Variants in HMGB1 observed in about 807,000 individuals in gnomAD.
HMGB1 encodes the protein high mobility group protein B1.
For synonymous variants in HMGB1, 81 were observed against 84.0 expected, an observed-to-expected ratio of 0.96 and a Z score of 0.19; for missense variants, 79 against 253.5, an observed-to-expected ratio of 0.31 and a Z score of 4.67.
Position 30,564,011 on chromosome 13 carries a change from G to C in HMGB1, c.-15+52660C>G, listed in dbSNP as rs60689124. On this transcript the variant is annotated intron_variant, in intron 1 of 4. Transcript: ENST00000405805. ...AATAATTTATTTTAATAACTTCGTG[G>C]GCATGGTGGCCAAAACATTTTAGCT... Among the ~76,000 whole-genome samples the C allele has an allele frequency of 8.5e-5, 13 of 152,154 alleles. No individual in the cohort carries two copies. In the East Asian group the frequency reaches 2.5e-3, roughly 29 times the overall value.
chr13:30,599,199 C>T (rs183665725), intron 1 of HMGB1, among the ~76,000 whole-genome samples: 13 of 152,280 alleles, frequency 8.5e-5, no homozygotes, highest in African/African-American at 2.2e-4. Flanking sequence ...CCGGGCACAA[C>T]GGCTCACGCC....
At chr13:30,501,905 C>A (rs1170076213) in intron 1 of HMGB1, among the ~76,000 whole-genome samples, 1 of 152,088 alleles carries the variant, frequency 6.6e-6, no homozygotes, top group Non-Finnish European at 1.5e-5. Context: ...GTTACAACAC[C>A]TCATTTTCTC....
At chr13:30,476,375 G>T (rs1887098704) in intron 1 of HMGB1, among the ~76,000 whole-genome samples, 1 of 151,794 alleles carries the variant, frequency 6.6e-6, no homozygotes, top group Non-Finnish European at 1.5e-5. Context: ...CTGACCTCAA[G>T]TGTTCTGCCC....
intron 1 of HMGB1, among the ~76,000 whole-genome samples, chr13:30,528,825 G>A (rs904037675): frequency 1.3e-5 from 2 of 152,030 alleles, no homozygotes; most frequent in Admixed American, 6.6e-5. Flanking sequence ...TCAGGAGATC[G>A]AGACCATCCT....
Position 30,465,927 on chromosome 13 carries a change from CT to C in HMGB1, c.-147del. The C allele has an allele frequency of 1.0e-6, 1 of 986,144 alleles. No individual in the cohort carries two copies. The highest frequency in any genetic ancestry group is 1.2e-6 in the Non-Finnish European group (1 of 830,168). The allele number at this position is 986,144 out of a possible 1,614,324, so 61.1% of individuals were successfully genotyped here. The stretch of plus-strand genomic sequence containing the variant: ...ACGCAGCCTCCTCACTCTCTCCGCT[CT>C]GTAACATTACTCTCCAGCCAGCGCG... On this transcript the variant is annotated 5_prime_UTR_variant, in exon 1 of 5. It introduces an in-frame stop codon into an upstream open reading frame of the 5' UTR. Transcript: ENST00000341423.
At chr13:30,555,029 TTG>T (rs1476263125) in intron 1 of HMGB1, among the ~76,000 whole-genome samples, 2 of 123,824 alleles carry the variant, frequency 1.6e-5, no homozygotes, top group African/African-American at 2.8e-5. Flanking sequence ...GGATGTGTCG[TTG>T]TGTTTTTTTT....
intron 1 of HMGB1, among the ~76,000 whole-genome samples, chr13:30,504,880 C>T (rs927345438): frequency 3.6e-4 from 12 of 33,570 alleles, no homozygotes; most frequent in Admixed American, 5.8e-4. Context: ...TCCCCCTACA[C>T]TGGTAAATAA....
intron 1 of HMGB1, among the ~76,000 whole-genome samples, chr13:30,533,993 T>C (rs147629557): frequency 1.0e-3 from 152 of 152,056 alleles, no homozygotes; most frequent in African/African-American, 3.4e-3. Flanking sequence ...GCCTCCCAAG[T>C]AGCTGGGATT....
intron 1 of HMGB1, among the ~76,000 whole-genome samples, chr13:30,516,849 C>A (rs907222068): frequency 8.6e-5 from 13 of 152,016 alleles, no homozygotes; most frequent in African/African-American, 2.4e-4. Context: ...ACTGGGAGAT[C>A]GAGGCTGCAA....
exon 1 of HMGB1, chr13:30,617,324 G>C (rs1950576939): frequency 6.6e-6 from 1 of 152,232 alleles, no homozygotes; most frequent in South Asian, 2.1e-4. Flanking sequence ...GGGCAGCTCC[G>C]TGTGTGATGA....
At chr13:30,507,521 C>A (rs1190601123) in intron 1 of HMGB1, among the ~76,000 whole-genome samples, 1 of 152,220 alleles carries the variant, frequency 6.6e-6, no homozygotes, top group Non-Finnish European at 1.5e-5. Flanking sequence ...CGCAGAAAGA[C>A]AGACTGACTC....
chr13:30,609,033 G>A (rs1036594097), intron 1 of HMGB1, among the ~76,000 whole-genome samples: 1 of 139,562 alleles, frequency 7.2e-6, no homozygotes, highest in Non-Finnish European at 1.7e-5. Flanking sequence ...AGGCCAAGGC[G>A]GGTGGATCAC....
At chr13:30,502,147 G>T (rs891103091) in intron 1 of HMGB1, among the ~76,000 whole-genome samples, 1 of 152,154 alleles carries the variant, frequency 6.6e-6, no homozygotes, top group Non-Finnish European at 1.5e-5. Context: ...TAGAAAGTTT[G>T]AGTCAGCCAT....
At chr13:30,592,406 A>G (rs1871409280) in intron 1 of HMGB1, among the ~76,000 whole-genome samples, 1 of 152,168 alleles carries the variant, frequency 6.6e-6, no homozygotes, top group Admixed American at 6.5e-5. Context: ...TTCCCAGGTA[A>G]TATAATTTAA....
chr13:30,568,470 C>T (rs1382704905), intron 1 of HMGB1, among the ~76,000 whole-genome samples: 1 of 152,066 alleles, frequency 6.6e-6, no homozygotes, highest in Admixed American at 6.6e-5. Flanking sequence ...ATCATGTCAC[C>T]CCACTCCAGC....
chr13:30,584,426 T>C (rs1871054813), intron 1 of HMGB1, among the ~76,000 whole-genome samples: 1 of 152,234 alleles, frequency 6.6e-6, no homozygotes, highest in South Asian at 2.1e-4. Context: ...CCAATTTATT[T>C]TCTCCATAGT....
At chr13:30,515,861 C>A (rs1406425525) in intron 1 of HMGB1, among the ~76,000 whole-genome samples, 1 of 152,052 alleles carries the variant, frequency 6.6e-6, no homozygotes, top group Non-Finnish European at 1.5e-5. Context: ...AGGTAATCAT[C>A]AAAAGAGTTT....
chr13:30,612,146 ATGTG>A (rs1420437545), intron 1 of HMGB1, among the ~76,000 whole-genome samples: 1 of 151,570 alleles, frequency 6.6e-6, no homozygotes, highest in Non-Finnish European at 1.5e-5. Context: ...ATATATGTGT[ATGTG>A]TGTGTGTTAT....
At chr13:30,484,802 G>A (rs1887325926) in intron 1 of HMGB1, among the ~76,000 whole-genome samples, 1 of 151,794 alleles carries the variant, frequency 6.6e-6, no homozygotes, top group Non-Finnish European at 1.5e-5. Context: ...GAAGAGAAGG[G>A]AAGAAAAGAG....
Sources: gnomAD v4.1 joint callset for allele counts (sites outside exome capture counted in the v4.1 genomes callset) on GRCh38, gnomAD v4.1.1 for gene constraint, MANE v1.5 for transcripts, NCBI Gene and HGNC (gene_info 2026-07-23, HGNC 2026-07-21) for gene names.